The following RYR2 variants were observed in gnomAD, a reference collection of about 807,000 sequenced individuals.
RYR2 encodes the protein ryanodine receptor 2.
RYR2 carries 227 observed loss-of-function variants against 601.1 expected under a neutral mutation model. The observed-to-expected ratio is 0.38, with a 90% CI of 0.34 to 0.42. RYR2 has a LOEUF of 0.42. RYR2 is among the 10% of genes least tolerant of loss of function. The probability of loss-of-function intolerance (pLI) is 1.00; values close to 1 mark genes in which losing one functional copy is unlikely to be tolerated. For synonymous variants in RYR2, 2,223 were observed against 2,175.1 expected, an observed-to-expected ratio of 1.02 and a Z score of -0.61; for missense variants, 4,646 against 6,156.5, an observed-to-expected ratio of 0.75 and a Z score of 8.21.
rs551298993 is a variant in RYR2 at position 237,250,292 on chromosome 1, T to G, written c.49-20205T>G. On this transcript the variant is annotated intron_variant, in intron 1 of 104. Coordinates refer to ENST00000366574, the MANE Select transcript of RYR2 (RefSeq NM_001035.3). ...TGATCAGTTATCTGCTGGTTCCCTC[T>G]AAGTGGTCTCTAAGTGCTTTGAGTG... Among the ~76,000 whole-genome samples, 11 of 152,324 alleles carry G rather than the reference T, an allele frequency of 7.2e-5. No homozygotes were observed. In the South Asian group the frequency reaches 1.7e-3, roughly 23 times the overall value.
intron 1 of RYR2, among the ~76,000 whole-genome samples, chr1:237,108,548 G>A (rs989455790): frequency 4.6e-5 from 7 of 152,228 alleles, no homozygotes; most frequent in Non-Finnish European, 2.9e-5. Context: ...GAACAGGGCT[G>A]AGCTGCGCTG....
chr1:237,410,043 C>T (rs954309512), intron 10 of RYR2, among the ~76,000 whole-genome samples: 11 of 152,080 alleles, frequency 7.2e-5, no homozygotes, highest in Admixed American at 6.6e-4. Flanking sequence ...AGTTCTGTAT[C>T]ATTTCCCCAT....
chr1:237,727,062 A>G (rs1388531746), intron 75 of RYR2, 25 bp from the exon 76 acceptor site: 3 of 1,165,350 alleles, frequency 2.6e-6, no homozygotes, highest in Non-Finnish European at 3.9e-6. Context: ...GGGTGTAAAT[A>G]TTTATTTGTG....
At chr1:237,338,083 C>T (rs1215061894) in intron 3 of RYR2, among the ~76,000 whole-genome samples, 5 of 152,226 alleles carry the variant, frequency 3.3e-5, no homozygotes, top group South Asian at 2.1e-4. Flanking sequence ...CATGTCACAT[C>T]GTCACAGGTG....
chr1:237,405,334 A>G (rs144983583), intron 10 of RYR2, among the ~76,000 whole-genome samples: 1 of 152,338 alleles, frequency 6.6e-6, no homozygotes, highest in East Asian at 1.9e-4. Context: ...GGGGTGATCA[A>G]CTATGTCAAA....
intron 1 of RYR2, among the ~76,000 whole-genome samples, chr1:237,189,117 T>C: frequency 6.6e-6 from 1 of 152,228 alleles, no homozygotes; most frequent in Non-Finnish European, 1.5e-5. Flanking sequence ...TTACTTCAGA[T>C]ACTTGATGTG....
At chr1:237,683,439 A>T (rs1264232095) in intron 62 of RYR2, among the ~76,000 whole-genome samples, 1 of 152,200 alleles carries the variant, frequency 6.6e-6, no homozygotes, top group African/African-American at 2.4e-5. Context: ...GTAAGATGGG[A>T]TTCAAAGTAA....
intron 84 of RYR2, among the ~76,000 whole-genome samples, chr1:237,767,527 T>A (rs1490213994): frequency 1.3e-5 from 2 of 152,168 alleles, no homozygotes; most frequent in Admixed American, 1.3e-4. Context: ...ATTTCTCAGT[T>A]GTTCACTGAA....
At chr1:237,818,774 G>T (rs1662113972) in intron 100 of RYR2, among the ~76,000 whole-genome samples, 1 of 151,534 alleles carries the variant, frequency 6.6e-6, no homozygotes, top group Non-Finnish European at 1.5e-5. Flanking sequence ...CAAGATGCTA[G>T]AAAATTTTCC....
At chr1:237,658,331 C>G (rs1683447588) in intron 54 of RYR2, among the ~76,000 whole-genome samples, 1 of 152,016 alleles carries the variant, frequency 6.6e-6, no homozygotes, top group Non-Finnish European at 1.5e-5. Context: ...CCAAGAGCTT[C>G]AGGAGGAAAT....
rs540860007 is a variant in RYR2 at position 237,303,051 on chromosome 1, A to G, written c.169-27827A>G. 2.0e-4 allele frequency among the ~76,000 whole-genome samples: 30 copies of G among 152,206 alleles called. No individual in the cohort carries two copies. In the South Asian group the frequency reaches 5.6e-3, roughly 28 times the overall value. On this transcript the variant is annotated intron_variant, in intron 2 of 104. Coordinates refer to ENST00000366574, the MANE Select transcript of RYR2 (RefSeq NM_001035.3). The stretch of plus-strand genomic sequence containing the variant: ...AAGATCTCTGTTTTGAAAGAATTGT[A>G]CTTCTTTGATTAGTGGTGAGGCTGA...
chr1:237,382,263 A>G (rs991529174), intron 8 of RYR2, among the ~76,000 whole-genome samples: 1 of 152,246 alleles, frequency 6.6e-6, no homozygotes, highest in Non-Finnish European at 1.5e-5. Flanking sequence ...ATATATTAGG[A>G]AAAGCAGAAT....
intron 2 of RYR2, among the ~76,000 whole-genome samples, chr1:237,284,505 A>AAATATATAAATATATAT (rs1446864984): frequency 1.6e-4 from 23 of 142,006 alleles, no homozygotes; most frequent in African/African-American, 5.8e-4. Flanking sequence ...AATATATATA[A>AAATATATAAATATATAT]AATATATATA....
At chr1:237,378,684 G>A (rs1229749991) in intron 8 of RYR2, among the ~76,000 whole-genome samples, 2 of 152,218 alleles carry the variant, frequency 1.3e-5, no homozygotes, top group Non-Finnish European at 2.9e-5. Context: ...TAAGTAAGTA[G>A]TTGATACCCC....
intron 104 of RYR2, 42 bp from the exon 105 acceptor site, chr1:237,832,510 C>A (rs756634980): frequency 1.8e-5 from 24 of 1,327,496 alleles, no homozygotes; most frequent in Non-Finnish European, 2.3e-5. Flanking sequence ...TGTTAGCACA[C>A]ACTTTGGGGA....
intron 3 of RYR2, among the ~76,000 whole-genome samples, chr1:237,332,859 T>G (rs1164254819): frequency 1.3e-5 from 2 of 152,142 alleles, no homozygotes; most frequent in Non-Finnish European, 2.9e-5. Context: ...GGATTTATGG[T>G]TTTTTTGAGA....
At chr1:237,530,813 G>A (rs945263065) in intron 25 of RYR2, among the ~76,000 whole-genome samples, 17 of 151,960 alleles carry the variant, frequency 1.1e-4, no homozygotes, top group Non-Finnish European at 2.4e-4. Context: ...GGGAGGCTGA[G>A]ACAGGAGAAT....
chr1:237,163,651 G>T (rs1235164503), intron 1 of RYR2, among the ~76,000 whole-genome samples: 1 of 152,112 alleles, frequency 6.6e-6, no homozygotes, highest in Non-Finnish European at 1.5e-5. Flanking sequence ...AATGGGTGGT[G>T]GGAAAATTGG....
intron 79 of RYR2, among the ~76,000 whole-genome samples, chr1:237,739,767 T>C (rs982444764): frequency 6.6e-6 from 1 of 152,178 alleles, no homozygotes; most frequent in African/African-American, 2.4e-5. Flanking sequence ...TTTGATTCCT[T>C]AGTCTTCTGC....
Sources: gnomAD v4.1 joint callset for allele counts (sites outside exome capture counted in the v4.1 genomes callset) on GRCh38, gnomAD v4.1.1 for gene constraint, MANE v1.5 for transcripts, NCBI Gene and HGNC (gene_info 2026-07-23, HGNC 2026-07-21) for gene names.